Variants in AGBL1 observed in about 807,000 individuals in gnomAD.
AGBL1 encodes cytosolic carboxypeptidase 4.
In AGBL1, 130 loss-of-function variants were observed where a neutral mutation model predicts 118.9. That is an observed-to-expected ratio of 1.09 (90% CI 0.95 to 1.26). The LOEUF is 1.26. Ranked by LOEUF, AGBL1 falls within the 50% of genes most tolerant of loss-of-function variation. AGBL1 has a pLI of 0.00. For missense variants in AGBL1, 1,584 were observed against 1,298.1 expected, an observed-to-expected ratio of 1.22 and a Z score of -3.38; for synonymous variants, 555 against 478.9, an observed-to-expected ratio of 1.16 and a Z score of -2.08.
chr15:86,914,414 C>G lies in AGBL1; in HGVS notation c.*7120C>G, dbSNP rs1431406667. 1 of 152,144 alleles carries G rather than the reference C, an allele frequency of 6.6e-6. No individual in the cohort carries two copies. Among genetic ancestry groups the G allele is most frequent in the African/African-American group, 2.4e-5 (1 of 41,424 alleles). The allele number at this position is 152,144 out of a possible 1,614,324, so 9.4% of individuals were successfully genotyped here. A position where few individuals can be genotyped will look rare whatever the true frequency, so the allele number is the denominator to read the frequency against. Reference sequence around the variant, plus strand: ...TGCCATTTTAAAAATGAAGTGCACCCATACTTAAAGAGACACGTTTAGTAA... The same window carrying G: ...TGCCATTTTAAAAATGAAGTGCACCGATACTTAAAGAGACACGTTTAGTAA... On this transcript the variant is annotated 3_prime_UTR_variant, in exon 23 of 23. Transcript: ENST00000614907.
chr15:86,464,652 G>C (rs988296084), intron 18 of AGBL1, among the ~76,000 whole-genome samples: 5 of 151,998 alleles, frequency 3.3e-5, no homozygotes, highest in Admixed American at 6.6e-5. Context: ...AGCATGAAGG[G>C]GTGTTGAATT....
At chr15:86,578,907 C>T (rs28688732) in intron 21 of AGBL1, among the ~76,000 whole-genome samples, 3,222 of 152,204 alleles carry the variant, frequency 0.021, 121 homozygotes, top group African/African-American at 0.072. Context: ...AGCATGAAAA[C>T]GGACTAATAC....
At chr15:86,997,509 T>A (rs929268569) in intron 24 of AGBL1, among the ~76,000 whole-genome samples, 2 of 152,158 alleles carry the variant, frequency 1.3e-5, no homozygotes, top group Non-Finnish European at 2.9e-5. Context: ...AATTGTGGCT[T>A]TTTCCCCCTT....
At chr15:86,181,579 G>C (rs971247764) in intron 5 of AGBL1, among the ~76,000 whole-genome samples, 21 of 151,962 alleles carry the variant, frequency 1.4e-4, no homozygotes, top group African/African-American at 4.8e-4. Flanking sequence ...GGAGGATATT[G>C]ATATTCATTA....
chr15:86,103,648 T>C (rs1896863215), intron 1 of AGBL1, among the ~76,000 whole-genome samples: 1 of 152,198 alleles, frequency 6.6e-6, no homozygotes. Flanking sequence ...ATTTTCTCAG[T>C]GACTTAGGTT....
intron 22 of AGBL1, among the ~76,000 whole-genome samples, chr15:86,906,004 G>T (rs1241431682): frequency 1.3e-5 from 2 of 152,200 alleles, no homozygotes; most frequent in Non-Finnish European, 2.9e-5. Flanking sequence ...CACAGAAGCA[G>T]CTCACATCAG....
chr15:87,015,197 T>A (rs1216438222), intron 24 of AGBL1, among the ~76,000 whole-genome samples: 2 of 152,150 alleles, frequency 1.3e-5, no homozygotes, highest in East Asian at 3.9e-4. Context: ...TGGTCTTGGA[T>A]TGAGAATTAC....
chr15:86,562,339 GT>G (rs1376256429), intron 21 of AGBL1, among the ~76,000 whole-genome samples: 1 of 152,196 alleles, frequency 6.6e-6, no homozygotes, highest in African/African-American at 2.4e-5. Flanking sequence ...TTTCTTGAGA[GT>G]TTTTAGCATG....
At chr15:86,824,748 A>G (rs1473335823) in intron 22 of AGBL1, among the ~76,000 whole-genome samples, 2 of 152,128 alleles carry the variant, frequency 1.3e-5, no homozygotes, top group Admixed American at 6.6e-5. Context: ...ATATAGATCA[A>G]TAGAACAGAA....
At chr15:86,581,588 G>A (rs894604983) in intron 21 of AGBL1, among the ~76,000 whole-genome samples, 3 of 152,116 alleles carry the variant, frequency 2.0e-5, no homozygotes, top group African/African-American at 7.2e-5. Context: ...GGCACCCACT[G>A]CCAGTTTCCA....
chr15:86,849,348 C>G lies in AGBL1; in HGVS notation c.3159-57739C>G, dbSNP rs924430967. Among the ~76,000 whole-genome samples the G allele has an allele frequency of 2.6e-5, 4 of 152,182 alleles. No homozygotes were observed. The East Asian group carries it at 7.7e-4, about 29-fold the overall frequency. ...GCCAGGCTGCTATGCACGCTGGGAT[C>G]ACATTCGGCATAGTAAGTAGCCATT... On this transcript the variant is annotated intron_variant, in intron 22 of 22. Coordinates refer to ENST00000614907, the MANE Select transcript of AGBL1 (RefSeq NM_001386094.1).
At chr15:86,249,636 A>G (rs979815502) in intron 7 of AGBL1, among the ~76,000 whole-genome samples, 1 of 152,086 alleles carries the variant, frequency 6.6e-6, no homozygotes, top group Non-Finnish European at 1.5e-5. Context: ...TCCTTGTGCA[A>G]TGCCCTCCTG....
intron 22 of AGBL1, among the ~76,000 whole-genome samples, chr15:86,754,600 A>G (rs1348873623): frequency 2.6e-5 from 4 of 151,906 alleles, no homozygotes; most frequent in African/African-American, 7.2e-5. Context: ...CAGGGCTTTG[A>G]TGTGTATACC....
intron 23 of AGBL1, among the ~76,000 whole-genome samples, chr15:86,925,998 G>T (rs2080534829): frequency 6.6e-6 from 1 of 152,030 alleles, no homozygotes; most frequent in Non-Finnish European, 1.5e-5. Flanking sequence ...CCAAAGTGCT[G>T]GGATTATAGG....
At chr15:86,213,553 C>T (rs2078136218) in intron 5 of AGBL1, among the ~76,000 whole-genome samples, 6 of 152,072 alleles carry the variant, frequency 3.9e-5, no homozygotes, top group Admixed American at 3.9e-4. Context: ...ACAGTGCATG[C>T]TCAAGTTTGA....
At chr15:86,971,027 T>C (rs1315920896) in intron 23 of AGBL1, among the ~76,000 whole-genome samples, 1 of 152,000 alleles carries the variant, frequency 6.6e-6, no homozygotes, top group Non-Finnish European at 1.5e-5. Flanking sequence ...TAGTACACCA[T>C]TTTATATAAG....
chr15:86,408,760 G>T (rs1039780782), intron 18 of AGBL1, among the ~76,000 whole-genome samples: 4 of 152,134 alleles, frequency 2.6e-5, no homozygotes. Flanking sequence ...TCTAAGGGGA[G>T]ATGGGCAAAA....
intron 18 of AGBL1, among the ~76,000 whole-genome samples, chr15:86,428,335 T>A (rs1359018544): frequency 6.6e-6 from 1 of 152,164 alleles, no homozygotes; most frequent in Non-Finnish European, 1.5e-5. Context: ...ACCATTCCTG[T>A]GACAGCACAA....
chr15:86,337,860 AAAAC>A (rs1292025015), intron 17 of AGBL1, among the ~76,000 whole-genome samples: 8 of 150,952 alleles, frequency 5.3e-5, no homozygotes, highest in East Asian at 3.9e-4. Context: ...CCTGGAACTT[AAAAC>A]AAACAAAAAA....
Sources: gnomAD v4.1 joint callset for allele counts (sites outside exome capture counted in the v4.1 genomes callset) on GRCh38, gnomAD v4.1.1 for gene constraint, MANE v1.5 for transcripts, NCBI Gene and HGNC (gene_info 2026-07-23, HGNC 2026-07-21) for gene names.